FLVCR2: variants seen among roughly 807,000 people sequenced by gnomAD.
FLVCR2 encodes FLVCR choline and putative heme transporter 2, also known as choline/ethanolamine transporter FLVCR2.
In FLVCR2, 38 loss-of-function variants were observed where a neutral mutation model predicts 48.9. That is an observed-to-expected ratio of 0.78 (90% CI 0.60 to 1.02). The LOEUF (loss-of-function observed/expected upper bound fraction) is 1.02, where lower values mean the gene tolerates loss of function less well. FLVCR2 is among the 50% of genes least tolerant of loss of function. FLVCR2 has a pLI of 0.00. For synonymous variants in FLVCR2, 255 were observed against 257.0 expected (o/e 0.99, Z 0.07); for missense variants, 664 against 663.3 (o/e 1.00, Z -0.01).
At chr14:75,601,743 T>C (rs1889170884) in intron 1 of FLVCR2, among the ~76,000 whole-genome samples, 1 of 152,246 alleles carries the variant, frequency 6.6e-6, no homozygotes, top group African/African-American at 2.4e-5. Flanking sequence ...AGCAGCATTA[T>C]TCACAATAAC....
intron 1 of FLVCR2, among the ~76,000 whole-genome samples, chr14:75,593,212 C>A (rs544352851): frequency 1.3e-5 from 2 of 152,334 alleles, no homozygotes; most frequent in South Asian, 4.1e-4. Context: ...AAAGCTGCTT[C>A]TGCATTTTTA....
intron 1 of FLVCR2, among the ~76,000 whole-genome samples, chr14:75,596,745 A>C (rs968794929): frequency 6.6e-5 from 10 of 151,816 alleles, no homozygotes; most frequent in Non-Finnish European, 1.2e-4. Context: ...TCGTCAATAA[A>C]AAATCTGTAC....
chr14:75,605,742 G>A, intron 1 of FLVCR2: 1 of 972,690 alleles, frequency 1.0e-6, no homozygotes, highest in Non-Finnish European at 1.6e-6. Flanking sequence ...GAGAGGAGTT[G>A]AACACAAGTA....
intron 1 of FLVCR2, among the ~76,000 whole-genome samples, chr14:75,614,630 G>A (rs1051396590): frequency 6.6e-6 from 1 of 152,180 alleles, no homozygotes; most frequent in Non-Finnish European, 1.5e-5. Flanking sequence ...CAGAAGAGAA[G>A]GGTCTGGAAA....
intron 1 of FLVCR2, among the ~76,000 whole-genome samples, chr14:75,582,222 T>G (rs1888627842): frequency 6.6e-6 from 1 of 152,148 alleles, no homozygotes; most frequent in Non-Finnish European, 1.5e-5. Flanking sequence ...GAGTTTTTAT[T>G]AAGGAGGCAT....
intron 3 of FLVCR2, among the ~76,000 whole-genome samples, chr14:75,629,563 T>A (rs1471866435): frequency 6.6e-6 from 1 of 151,784 alleles, no homozygotes; most frequent in Non-Finnish European, 1.5e-5. Flanking sequence ...CTACCTTCTC[T>A]TTGTGTCTCT....
chr14:75,609,770 A>C (rs191987568), intron 1 of FLVCR2, among the ~76,000 whole-genome samples: 1 of 152,286 alleles, frequency 6.6e-6, no homozygotes, highest in African/African-American at 2.4e-5. Context: ...GAGGATTAGA[A>C]ACATTGGTCG....
chr14:75,621,365 G>A (rs1284945990), intron 1 of FLVCR2, among the ~76,000 whole-genome samples: 8 of 150,274 alleles, frequency 5.3e-5, no homozygotes, highest in Non-Finnish European at 1.2e-4. Context: ...CCGAGATTGC[G>A]CCACTGCACT....
chr14:75,612,293 C>A (rs1023902561), intron 1 of FLVCR2, among the ~76,000 whole-genome samples: 10 of 152,130 alleles, frequency 6.6e-5, no homozygotes, highest in Admixed American at 6.5e-4. Flanking sequence ...ACCTCTTTCA[C>A]CCAAAGAACT....
intron 1 of FLVCR2, among the ~76,000 whole-genome samples, chr14:75,590,546 G>T (rs770724490): frequency 4.6e-5 from 7 of 152,322 alleles, no homozygotes; most frequent in Non-Finnish European, 1.0e-4. Flanking sequence ...CCCCAGTATT[G>T]GAGGTGGGGC....
Position 75,582,771 on chromosome 14 carries a change from T to C in FLVCR2, c.669+3130T>C, listed in dbSNP as rs190821826. 3.1e-3 allele frequency among the ~76,000 whole-genome samples: 471 copies of C among 152,296 alleles called. 4 individuals carry two copies. The highest frequency in any genetic ancestry group is 0.029 in the South Asian group (141 of 4,816). On this transcript the variant is annotated intron_variant, in intron 1 of 9. Transcript: ENST00000238667. ...GAGTGGCGAAAGGATTTAGGATCTA[T>C]GGGGTCAGCTAGGTTTGCTTTTGTG...
chr14:75,633,767 G>A, intron 4 of FLVCR2, 71 bp downstream of exon 4: 4 of 1,197,072 alleles, frequency 3.3e-6, no homozygotes, highest in Non-Finnish European at 3.7e-6. Flanking sequence ...GCAGGACCTG[G>A]GATGACCGTT....
intron 1 of FLVCR2, among the ~76,000 whole-genome samples, chr14:75,612,067 A>G (rs780751666): frequency 2.6e-5 from 4 of 152,178 alleles, no homozygotes; most frequent in South Asian, 2.1e-4. Context: ...TAAAATAGAC[A>G]TTAGGGGAGC....
At chr14:75,581,659 A>G (rs1399105350) in intron 1 of FLVCR2, among the ~76,000 whole-genome samples, 1 of 152,208 alleles carries the variant, frequency 6.6e-6, no homozygotes, top group African/African-American at 2.4e-5. Context: ...CCATCCAGTG[A>G]AAGTGTCTAC....
intron 1 of FLVCR2, among the ~76,000 whole-genome samples, chr14:75,592,284 G>C (rs535140956): frequency 1.3e-5 from 2 of 152,160 alleles, no homozygotes; most frequent in South Asian, 2.1e-4. Context: ...GGCCCAAGCT[G>C]TACCTGGGGC....
At position 75,642,019 on chromosome 14, in the gene FLVCR2, C is replaced by A. The variant is rs899524149; in HGVS notation, c.1509+121C>A. 5.8e-6 allele frequency: 5 copies of A among 857,298 alleles called. No homozygotes were observed. In the African/African-American group the frequency reaches 8.4e-5, roughly 14 times the overall value. The allele number at this position is 857,298 out of a possible 1,614,324, so 53.1% of individuals were successfully genotyped here. ...GACTGGTTTTGTCATAGCTGGGAGA[C>A]CAGTTCATCCCTTACACATGGCATC... On this transcript the variant is annotated intron_variant, in intron 9 of 9. Coordinates refer to ENST00000238667, the MANE Select transcript of FLVCR2 (RefSeq NM_017791.3).
intron 2 of FLVCR2, among the ~76,000 whole-genome samples, chr14:75,623,974 C>G (rs575267826): frequency 6.6e-6 from 1 of 152,064 alleles, no homozygotes; most frequent in African/African-American, 2.4e-5. Flanking sequence ...ATCACTTGAA[C>G]CCGGGAGGCA....
At position 75,579,134 on chromosome 14, in the gene FLVCR2, CCCCAGTGCCTTAGCCCAA is replaced by C. The variant is rs1234906367; in HGVS notation, c.170_187del (p.Ala57_Ser62del). 1.2e-6 allele frequency: 2 copies of C among 1,614,026 alleles called. No homozygotes were observed. The highest frequency in any genetic ancestry group is 1.3e-5 in the African/African-American group (1 of 74,922). On this transcript the variant is annotated inframe_deletion, in exon 1 of 10. Coordinates refer to ENST00000238667, the MANE Select transcript of FLVCR2 (RefSeq NM_017791.3). ...CTGTCCACCCCAGCAGTTCGGCCCA[CCCCAGTGCCTTAGCCCAA>C]CCCAGTGGCTTGGCTCACCCCAGTA...
chr14:75,589,307 G>C (rs962488763), intron 1 of FLVCR2, among the ~76,000 whole-genome samples: 2 of 152,182 alleles, frequency 1.3e-5, no homozygotes, highest in African/African-American at 4.8e-5. Flanking sequence ...ATACCAAAAA[G>C]GAGAAATAGG....
Sources: allele counts gnomAD v4.1 joint callset (sites outside exome capture counted in the v4.1 genomes callset), GRCh38; gene constraint gnomAD v4.1.1; transcripts MANE v1.5; gene names NCBI Gene and HGNC (gene_info 2026-07-23, HGNC 2026-07-21).